Variants in TJP2 observed in about 807,000 individuals in gnomAD.
TJP2 encodes tight junction protein 2.
A neutral mutation model predicts 133.1 loss-of-function variants in TJP2; 91 were observed. The observed-to-expected ratio is 0.68, with a 90% CI of 0.58 to 0.81. TJP2 has a LOEUF of 0.81. TJP2 is among the 40% of genes least tolerant of loss of function. TJP2 has a pLI of 0.00. For synonymous variants in TJP2, 592 were observed against 583.4 expected, an observed-to-expected ratio of 1.01 and a Z score of -0.21; for missense variants, 1,541 against 1,565.6, an observed-to-expected ratio of 0.98 and a Z score of 0.26.
At chr9:69,137,112 T>C (rs181760280) in intron 1 of TJP2, among the ~76,000 whole-genome samples, 2 of 152,236 alleles carry the variant, frequency 1.3e-5, no homozygotes, top group Admixed American at 1.3e-4. Flanking sequence ...TCGAGTTTCA[T>C]TGTTCTGTTG....
upstream of TJP2, chr9:69,174,089 C>T: frequency 8.8e-7 from 1 of 1,138,362 alleles, no homozygotes; most frequent in Non-Finnish European, 1.1e-6. Context: ...GAAGGCGCGG[C>T]GCCGGCGAGC....
chr9:69,173,769 C>G (rs1469121795), upstream of TJP2, among the ~76,000 whole-genome samples: 1 of 152,204 alleles, frequency 6.6e-6, no homozygotes, highest in Non-Finnish European at 1.5e-5. Flanking sequence ...CCCTGCGAAC[C>G]TCGCCAAAAA....
rs758724599 is a variant in TJP2 at position 69,189,874 on chromosome 9, G to T, written c.60+15442G>T. Among the ~76,000 whole-genome samples the T allele has an allele frequency of 1.8e-5, 2 of 110,532 alleles. 1 individual carries two copies. The highest frequency in any genetic ancestry group is 4.1e-5 in the Non-Finnish European group (2 of 49,380). The allele number at this position is 110,532 out of a possible 152,430, so 72.5% of individuals were successfully genotyped here. A position where few individuals can be genotyped will look rare whatever the true frequency, so the allele number is the denominator to read the frequency against. On this transcript the variant is annotated intron_variant, in intron 1 of 22. Coordinates refer to ENST00000377245, the MANE Select transcript of TJP2 (RefSeq NM_004817.4). ...TGTAATCCCAGCACTTTGGGAGGCCGAGGTGGACGGATCATGAGGTCAGGA... is the reference window on the plus strand; with the variant it reads ...TGTAATCCCAGCACTTTGGGAGGCCTAGGTGGACGGATCATGAGGTCAGGA...
At chr9:69,129,070 G>T (rs572168552) in intron 1 of TJP2, among the ~76,000 whole-genome samples, 15 of 152,164 alleles carry the variant, frequency 9.9e-5, no homozygotes, top group Non-Finnish European at 1.5e-5. Flanking sequence ...TAGTTTCTTG[G>T]GGTTGATGGG....
upstream of TJP2, chr9:69,174,015 C>A: frequency 9.8e-7 from 1 of 1,019,084 alleles, no homozygotes; most frequent in Non-Finnish European, 1.2e-6. Context: ...CTTCTCCTGC[C>A]GCCGCCGCCG....
intron 2 of TJP2, among the ~76,000 whole-genome samples, chr9:69,152,360 C>A (rs1234705255): frequency 6.6e-6 from 1 of 152,086 alleles, no homozygotes; most frequent in African/African-American, 2.4e-5. Flanking sequence ...TTTTTTGTTA[C>A]ACTTTGACCT....
At position 69,229,025 on chromosome 9, in the gene TJP2, T is replaced by A. The variant is rs572095220; in HGVS notation, c.1454-159T>A. ...ATTTTGAGAAACCATTGGCACCTGC[T>A]AATACTTCAGAGTTAAACGGCACTT... On this transcript the variant is annotated intron_variant, in intron 9 of 22. Transcript: ENST00000377245. 2.0e-5 allele frequency among the ~76,000 whole-genome samples: 3 copies of A among 152,384 alleles called. No individual in the cohort carries two copies. In the South Asian group the frequency reaches 6.2e-4, roughly 32 times the overall value.
At chr9:69,213,842 A>G (rs1003804390) in intron 2 of TJP2, among the ~76,000 whole-genome samples, 1 of 152,158 alleles carries the variant, frequency 6.6e-6, no homozygotes, top group African/African-American at 2.4e-5. Flanking sequence ...GCCTCTGTCT[A>G]AAACCAGGTG....
At chr9:69,209,983 ACTTT>A (rs1827744315) in intron 1 of TJP2, among the ~76,000 whole-genome samples, 2 of 151,952 alleles carry the variant, frequency 1.3e-5, no homozygotes, top group African/African-American at 4.8e-5. Context: ...TTTGATACAA[ACTTT>A]CTTTAAGAAA....
At position 69,125,873 on chromosome 9, in the gene TJP2, C is replaced by T. The variant is rs150742724; in HGVS notation, c.-131+4148C>T. 3.3e-3 allele frequency among the ~76,000 whole-genome samples: 251 copies of T among 77,064 alleles called. 90 individuals are homozygous for T. Among genetic ancestry groups the T allele is most frequent in the African/African-American group, 9.7e-3 (244 of 25,276 alleles). The allele number at this position is 77,064 out of a possible 152,430, so 50.6% of individuals were successfully genotyped here. On this transcript the variant is annotated intron_variant, in intron 1 of 5. Coordinates refer to the TJP2 transcript ENST00000423935. ...CCCCAGTGTCCAGAACTACTGGTCT[C>T]CATAGGAGATATCAAGGTACTGGAC... is the stretch of plus-strand genomic sequence containing the variant.
intron 2 of TJP2, among the ~76,000 whole-genome samples, chr9:69,164,619 C>G (rs1040890848): frequency 6.6e-6 from 1 of 152,096 alleles, no homozygotes. Context: ...AAACTTGATT[C>G]CCCAGCATTG....
chr9:69,178,977 T>TA (rs963182940), intron 1 of TJP2, among the ~76,000 whole-genome samples: 3 of 1,258 alleles, frequency 2.4e-3, no homozygotes, highest in African/African-American at 6.3e-3. Context: ...TTTTTTCTTA[T>TA]TTTTTTTTTA....
chr9:69,157,663 C>T (rs575074313), intron 2 of TJP2, among the ~76,000 whole-genome samples: 1 of 152,204 alleles, frequency 6.6e-6, no homozygotes, highest in Non-Finnish European at 1.5e-5. Context: ...ACGGGTTTCC[C>T]ATTTTGGCCA....
chr9:69,173,529 G>A (rs1475227352), upstream of TJP2, among the ~76,000 whole-genome samples: 1 of 152,164 alleles, frequency 6.6e-6, no homozygotes, highest in African/African-American at 2.4e-5. Context: ...TGTTGGAAAT[G>A]TGCCAAAGAG....
intron 1 of TJP2, among the ~76,000 whole-genome samples, chr9:69,193,338 A>G (rs1826333278): frequency 6.6e-6 from 1 of 152,016 alleles, no homozygotes; most frequent in African/African-American, 2.4e-5. Flanking sequence ...CCTAGTGGAT[A>G]ATACATCTGT....
At position 69,124,820 on chromosome 9, in the gene TJP2, A is replaced by G. The variant is rs138743870; in HGVS notation, c.-131+3095A>G. 3.4e-3 allele frequency among the ~76,000 whole-genome samples: 262 copies of G among 77,822 alleles called. 93 individuals are homozygous for G. The highest frequency in any genetic ancestry group is 9.9e-3 in the African/African-American group (252 of 25,542). 51.1% of individuals were successfully genotyped at this position (77,822 alleles called of 152,430 possible). On this transcript the variant is annotated intron_variant, in intron 1 of 5. Coordinates refer to the TJP2 transcript ENST00000423935. Reference sequence around the variant, plus strand: ...GGTAAATGGATGCATTTTGCAATCTACATGAGAAAACATTTCTTAGAAAAT... The same window carrying G: ...GGTAAATGGATGCATTTTGCAATCTGCATGAGAAAACATTTCTTAGAAAAT...
intron 1 of TJP2, chr9:69,145,750 T>C (rs1395618389): frequency 8.1e-7 from 1 of 1,231,966 alleles, no homozygotes. Context: ...GCAGTTGGTA[T>C]TACCCCACTT....
intron 1 of TJP2, among the ~76,000 whole-genome samples, chr9:69,196,947 A>G (rs1297604052): frequency 5.5e-5 from 2 of 36,354 alleles, no homozygotes; most frequent in South Asian, 7.6e-4. Context: ...GTGTGTGTGT[A>G]CACACACACA....
chr9:69,219,441 G>A (rs1042920420), intron 4 of TJP2, among the ~76,000 whole-genome samples: 4 of 152,124 alleles, frequency 2.6e-5, no homozygotes, highest in Non-Finnish European at 4.4e-5. Context: ...GCAACCATGC[G>A]AAGGAAAGTT....
Sources: gnomAD v4.1 joint callset for allele counts (sites outside exome capture counted in the v4.1 genomes callset) on GRCh38, gnomAD v4.1.1 for gene constraint, MANE v1.5 for transcripts, NCBI Gene and HGNC (gene_info 2026-07-23, HGNC 2026-07-21) for gene names.